Variants in MARCHF1 observed in about 807,000 individuals in gnomAD.
The protein encoded by MARCHF1 is E3 ubiquitin-protein ligase MARCHF1.
MARCHF1 carries 40 observed loss-of-function variants against 54.2 expected under a neutral mutation model. The ratio of observed to expected loss-of-function variants is 0.74; its 90% confidence interval spans 0.57 to 0.96. MARCHF1 has a LOEUF of 0.96. Ranked by LOEUF, MARCHF1 falls within the 40% of genes least tolerant of loss-of-function variation. MARCHF1 has a pLI of 0.00. For synonymous variants in MARCHF1, 236 were observed against 236.3 expected, an observed-to-expected ratio of 1.00 and a Z score of 0.01; for missense variants, 586 against 656.5, an observed-to-expected ratio of 0.89 and a Z score of 1.17.
At chr4:163,939,505 ACTCTTCACACTC>A (rs1751866927) in intron 3 of MARCHF1, among the ~76,000 whole-genome samples, 1 of 151,960 alleles carries the variant, frequency 6.6e-6, no homozygotes, top group Non-Finnish European at 1.5e-5. Context: ...TGTGATAATC[ACTCTTCACACTC>A]TATGCTCATT....
chr4:164,300,132 C>G (rs1425653704), intron 1 of MARCHF1, among the ~76,000 whole-genome samples: 2 of 152,032 alleles, frequency 1.3e-5, no homozygotes, highest in African/African-American at 4.8e-5. Flanking sequence ...GCACTCAATT[C>G]AATTCTAAAG....
chr4:163,560,843 C>T (rs1739444441), intron 8 of MARCHF1, among the ~76,000 whole-genome samples: 1 of 152,082 alleles, frequency 6.6e-6, no homozygotes, highest in Non-Finnish European at 1.5e-5. Context: ...TACAGAAATA[C>T]ATTTGGTTTT....
intron 1 of MARCHF1, among the ~76,000 whole-genome samples, chr4:164,276,215 G>A (rs1352932712): frequency 6.6e-6 from 1 of 152,050 alleles, no homozygotes; most frequent in Non-Finnish European, 1.5e-5. Context: ...ATATGTTGAA[G>A]TTTTTATCTT....
intron 1 of MARCHF1, among the ~76,000 whole-genome samples, chr4:164,357,464 A>G (rs1408085962): frequency 6.6e-6 from 1 of 152,078 alleles, no homozygotes; most frequent in Non-Finnish European, 1.5e-5. Context: ...TCCCCATCTC[A>G]AGATCCTTAA....
chr4:164,017,325 G>C (rs905546611), intron 2 of MARCHF1, among the ~76,000 whole-genome samples: 2 of 151,970 alleles, frequency 1.3e-5, no homozygotes, highest in Non-Finnish European at 2.9e-5. Context: ...AATAAGGCAA[G>C]AAAGGAAGTA....
At chr4:163,626,428 G>A (rs1741873967) in intron 5 of MARCHF1, among the ~76,000 whole-genome samples, 2 of 152,320 alleles carry the variant, frequency 1.3e-5, no homozygotes, top group African/African-American at 4.8e-5. Flanking sequence ...TATAATTTAT[G>A]AGTGTGAAAA....
chr4:164,127,219 C>G (rs1202796807), intron 1 of MARCHF1, among the ~76,000 whole-genome samples: 1 of 152,174 alleles, frequency 6.6e-6, no homozygotes, highest in Non-Finnish European at 1.5e-5. Flanking sequence ...TAGTATCCAG[C>G]TGATATTTAC....
At chr4:164,012,985 T>A (rs887587634) in intron 2 of MARCHF1, among the ~76,000 whole-genome samples, 2 of 152,060 alleles carry the variant, frequency 1.3e-5, no homozygotes, top group Non-Finnish European at 2.9e-5. Context: ...TGCCCAGACA[T>A]CAGTGAATGC....
chr4:164,308,765 G>A (rs1483896779), intron 1 of MARCHF1, among the ~76,000 whole-genome samples: 1 of 151,996 alleles, frequency 6.6e-6, no homozygotes, highest in Non-Finnish European at 1.5e-5. Flanking sequence ...AGAATTCATG[G>A]ACACAAGAGG....
chr4:163,894,425 T>C (rs965206695), intron 3 of MARCHF1, among the ~76,000 whole-genome samples: 1 of 151,850 alleles, frequency 6.6e-6, no homozygotes, highest in Admixed American at 6.6e-5. Flanking sequence ...TAATTAAATG[T>C]ACAATGAGTG....
chr4:163,929,775 T>A (rs1751614902), intron 3 of MARCHF1, among the ~76,000 whole-genome samples: 1 of 150,796 alleles, frequency 6.6e-6, no homozygotes, highest in African/African-American at 2.4e-5. Context: ...TGACATTTTT[T>A]GCAGGGCAGG....
At chr4:163,754,326 T>C (rs148514877) in intron 4 of MARCHF1, among the ~76,000 whole-genome samples, 55 of 152,306 alleles carry the variant, frequency 3.6e-4, no homozygotes, top group African/African-American at 1.1e-3. Flanking sequence ...CCCTTTCAGA[T>C]CACTTGAACC....
At chr4:164,178,566 C>T (rs1016393684) in intron 1 of MARCHF1, among the ~76,000 whole-genome samples, 1 of 152,138 alleles carries the variant, frequency 6.6e-6, no homozygotes, top group Non-Finnish European at 1.5e-5. Flanking sequence ...ATAATTGGGT[C>T]TGTACTTTCC....
At chr4:164,281,807 T>C (rs1734033183) in intron 1 of MARCHF1, among the ~76,000 whole-genome samples, 1 of 152,212 alleles carries the variant, frequency 6.6e-6, no homozygotes, top group East Asian at 1.9e-4. Flanking sequence ...CCATTCAGGC[T>C]GCACATCACA....
intron 8 of MARCHF1, among the ~76,000 whole-genome samples, chr4:163,577,016 T>A (rs183462217): frequency 2.0e-3 from 299 of 152,166 alleles, no homozygotes; most frequent in Admixed American, 3.2e-3. Context: ...TCCTTTTTTT[T>A]AAATACAACT....
chr4:163,852,875 C>G (rs1749678179), intron 4 of MARCHF1, among the ~76,000 whole-genome samples: 1 of 152,082 alleles, frequency 6.6e-6, no homozygotes, highest in Non-Finnish European at 1.5e-5. Context: ...GGAGGTGGAG[C>G]CTTTGGGAGG....
intron 3 of MARCHF1, among the ~76,000 whole-genome samples, chr4:163,942,312 T>C (rs1343279019): frequency 1.3e-5 from 2 of 152,210 alleles, no homozygotes; most frequent in Non-Finnish European, 2.9e-5. Context: ...CTCTCCTTCG[T>C]ATACAGTTCT....
chr4:164,366,113 A>G (rs971963721), intron 1 of MARCHF1, among the ~76,000 whole-genome samples: 1 of 152,144 alleles, frequency 6.6e-6, no homozygotes, highest in Admixed American at 6.6e-5. Flanking sequence ...CTATGAATAT[A>G]AAATCAGAAA....
chr4:163,851,508 T>C (rs907658426), intron 4 of MARCHF1, among the ~76,000 whole-genome samples: 13 of 152,220 alleles, frequency 8.5e-5, no homozygotes, highest in African/African-American at 2.9e-4. Flanking sequence ...TTTCATCGTT[T>C]GATGAGGACA....
Sources: allele counts gnomAD v4.1 joint callset (sites outside exome capture counted in the v4.1 genomes callset), GRCh38; gene constraint gnomAD v4.1.1; transcripts MANE v1.5; gene names NCBI Gene and HGNC (gene_info 2026-07-23, HGNC 2026-07-21).